The following MTCH2 variants were observed in gnomAD, a reference collection of about 807,000 sequenced individuals.
The protein encoded by MTCH2 is mitochondrial carrier homolog 2.
MTCH2 carries 25 observed loss-of-function variants against 50.6 expected under a neutral mutation model. That is an observed-to-expected ratio of 0.49 (90% confidence interval 0.36 to 0.69). The LOEUF (loss-of-function observed/expected upper bound fraction) is 0.69. MTCH2 is among the 30% of genes least tolerant of loss of function. The probability of loss-of-function intolerance (pLI) is 0.00; values close to 1 mark genes in which losing one functional copy is unlikely to be tolerated. For missense variants in MTCH2, 273 were observed against 384.4 expected, an observed-to-expected ratio of 0.71 and a Z score of 2.42; for synonymous variants, 106 against 132.0, an observed-to-expected ratio of 0.80 and a Z score of 1.35.
chr11:47,640,551 G>A (rs2097313140), intron 1 of MTCH2, among the ~76,000 whole-genome samples: 1 of 151,990 alleles, frequency 6.6e-6, no homozygotes, highest in African/African-American at 2.4e-5. Context: ...GAGTAGCTGG[G>A]ATTACAGGCA....
At chr11:47,639,812 G>A (rs895338080) in intron 1 of MTCH2, among the ~76,000 whole-genome samples, 3 of 151,580 alleles carry the variant, frequency 2.0e-5, no homozygotes, top group Non-Finnish European at 2.9e-5. Context: ...CACTCCAGCC[G>A]AGGCCGACAA....
Position 47,618,887 on chromosome 11 carries a change from G to A in MTCH2, c.858C>T (p.Phe286=), listed in dbSNP as rs748858433. The A allele has an allele frequency of 5.5e-6, 7 of 1,282,680 alleles. No homozygotes were observed. In the South Asian group the frequency reaches 1.1e-4, roughly 19 times the overall value. The allele number at this position is 1,282,680 out of a possible 1,614,324, so 79.5% of individuals were successfully genotyped here. ...AAGTCTTCCCAAAGGGGACCTTCCGGAAAAATAAGCTATTTCCTCGGCTCA... is the reference window on the plus strand; with the variant it reads ...AAGTCTTCCCAAAGGGGACCTTCCGAAAAAATAAGCTATTTCCTCGGCTCA... ...GNMSRGNSLF[F]RKVPFGKTYC... The change falls in exon 13 of 13, where the codon TTC becomes TTT. Residue 286 remains phenylalanine, a synonymous_variant. Transcript: ENST00000302503.
chr11:47,630,670 C>A, intron 7 of MTCH2, 56 bp from the exon 8 acceptor site: 1 of 1,494,692 alleles, frequency 6.7e-7, no homozygotes, highest in Non-Finnish European at 9.3e-7. Context: ...GAGCTATAAA[C>A]AAAATAATTT....
At chr11:47,635,618 G>A (rs768422878) in intron 3 of MTCH2, 47 bp from the exon 4 acceptor site, 5 of 1,544,840 alleles carry the variant, frequency 3.2e-6, no homozygotes, top group Non-Finnish European at 4.4e-6. Context: ...ACAGTGTCAT[G>A]TGAAAGAAGA....
At chr11:47,622,617 T>A (rs995844609) in intron 12 of MTCH2, 84 bp downstream of exon 12, 2 of 1,111,974 alleles carry the variant, frequency 1.8e-6, no homozygotes, top group African/African-American at 3.2e-5. Flanking sequence ...AGAGTTAACT[T>A]GGGATTCCAG....
chr11:47,624,171 G>A (rs1565964603), intron 11 of MTCH2, among the ~76,000 whole-genome samples: 2 of 151,496 alleles, frequency 1.3e-5, no homozygotes, highest in Admixed American at 6.6e-5. Flanking sequence ...GGTGGAGGTT[G>A]CAGTGAGTCG....
chr11:47,642,270 C>A (rs2097314972), intron 1 of MTCH2, 109 bp downstream of exon 1: 2 of 908,000 alleles, frequency 2.2e-6, no homozygotes. Flanking sequence ...GGAGCAGCAG[C>A]ATCTCGGGAG....
At chr11:47,612,377 C>G (rs1315741717), downstream of MTCH2, among the ~76,000 whole-genome samples, 5 of 152,090 alleles carry the variant, frequency 3.3e-5, no homozygotes, top group Admixed American at 1.3e-4. Flanking sequence ...ACCATCCTGG[C>G]TAACACAGTG....
rs1023324198 is a variant in MTCH2, at chr11:47,642,544, G to A, written c.-79C>T. 6 of 1,343,532 alleles carry A rather than the reference G, an allele frequency of 4.5e-6. No individual in the cohort carries two copies. The highest frequency in any genetic ancestry group is 1.5e-5 in the African/African-American group (1 of 65,276). The allele number at this position is 1,343,532 out of a possible 1,614,324, so 83.2% of individuals were successfully genotyped here. ...GAGCCGGTCCTAGGTCACGTGCCAG[G>A]GCCGCCGGTTTCACTGGCCCGCCCG... On this transcript the variant is annotated 5_prime_UTR_variant, in exon 1 of 13. Coordinates refer to ENST00000302503, the MANE Select transcript of MTCH2 (RefSeq NM_014342.4).
intron 12 of MTCH2, among the ~76,000 whole-genome samples, chr11:47,620,224 T>C (rs1391513000): frequency 1.3e-5 from 2 of 152,066 alleles, no homozygotes; most frequent in African/African-American, 2.4e-5. Flanking sequence ...CATGTATACA[T>C]ATGTAACAAA....
intron 7 of MTCH2, 125 bp from the exon 8 acceptor site, chr11:47,630,739 ACT>A: frequency 2.4e-6 from 2 of 847,136 alleles, no homozygotes; most frequent in Non-Finnish European, 3.7e-6. Context: ...CTTTTCTAGC[ACT>A]CTCTCACTCT....
Position 47,636,593 on chromosome 11 carries a change from G to A in MTCH2, c.280-1022C>T, listed in dbSNP as rs143509249. ...CTAAAAATACAAAAATTAGCTGGGC[G>A]TGGTGGTAGGTGCCTGTAATCCCAG... On this transcript the variant is annotated intron_variant, in intron 3 of 12. Coordinates refer to ENST00000302503, the MANE Select transcript of MTCH2 (RefSeq NM_014342.4). Among the ~76,000 whole-genome samples, 1,356 of 151,000 alleles carry A rather than the reference G, an allele frequency of 9.0e-3. 23 individuals are homozygous for A. Among genetic ancestry groups the A allele is most frequent in the African/African-American group, 0.031 (1,293 of 41,118 alleles).
intron 4 of MTCH2, among the ~76,000 whole-genome samples, chr11:47,635,096 T>C (rs2097307326): frequency 6.6e-6 from 1 of 151,892 alleles, no homozygotes. Flanking sequence ...TTTATTTCTT[T>C]TGAGATAGGG....
intron 5 of MTCH2, among the ~76,000 whole-genome samples, chr11:47,633,570 C>T (rs573197354): frequency 4.9e-4 from 51 of 103,586 alleles, no homozygotes; most frequent in Admixed American, 7.5e-4. Context: ...GAGTCTCACT[C>T]CTGTGGCCCA....
downstream of MTCH2, among the ~76,000 whole-genome samples, chr11:47,614,931 GA>G (rs1282805929): frequency 2.1e-5 from 3 of 144,000 alleles, no homozygotes; most frequent in Non-Finnish European, 4.5e-5. Context: ...AAGGGAGAAG[GA>G]AAAAAAAATC....
At chr11:47,629,825 G>A (rs2097301386) in intron 8 of MTCH2, among the ~76,000 whole-genome samples, 1 of 151,200 alleles carries the variant, frequency 6.6e-6, no homozygotes, top group Admixed American at 6.6e-5. Context: ...GAGGGTAGTA[G>A]TCTAAGTTCT....
chr11:47,642,548 G>T lies in MTCH2; in HGVS notation c.-83C>A. The T allele has an allele frequency of 7.7e-7, 1 of 1,305,618 alleles. No homozygotes were observed. Among genetic ancestry groups the T allele is most frequent in the Non-Finnish European group, 1.0e-6 (1 of 968,402 alleles). 80.9% of individuals were successfully genotyped at this position (1,305,618 alleles called of 1,614,324 possible). A position where few individuals can be genotyped will look rare whatever the true frequency, so the allele number is the denominator to read the frequency against. On this transcript the variant is annotated 5_prime_UTR_variant, in exon 1 of 13. Transcript: ENST00000302503. ...CGGTCCTAGGTCACGTGCCAGGGCC[G>T]CCGGTTTCACTGGCCCGCCCGCGGC...
At chr11:47,629,535 G>A (rs1400954867) in intron 8 of MTCH2, among the ~76,000 whole-genome samples, 1 of 152,092 alleles carries the variant, frequency 6.6e-6, no homozygotes, top group African/African-American at 2.4e-5. Flanking sequence ...CCTAGGTGAG[G>A]CAGCATGGAA....
chr11:47,609,142 A>AAAAAG, the MTCH2 span, among the ~76,000 whole-genome samples: 1 of 146,902 alleles, frequency 6.8e-6, no homozygotes, highest in African/African-American at 2.5e-5. Flanking sequence ...AAAAAAAAAA[A>AAAAAG]AAAAGAAAAA....
Sources: gnomAD v4.1 joint callset for allele counts (sites outside exome capture counted in the v4.1 genomes callset) on GRCh38, gnomAD v4.1.1 for gene constraint, MANE v1.5 for transcripts, NCBI Gene and HGNC (gene_info 2026-07-23, HGNC 2026-07-21) for gene names.